Variants in PDE4D observed in about 807,000 individuals in gnomAD.
The protein encoded by PDE4D is 3',5'-cyclic-AMP phosphodiesterase 4D.
PDE4D carries 24 observed loss-of-function variants against 87.4 expected under a neutral mutation model. That is an observed-to-expected ratio of 0.27 (90% confidence interval 0.20 to 0.39). The LOEUF (loss-of-function observed/expected upper bound fraction) is 0.39. PDE4D is among the 10% of genes least tolerant of loss of function. The pLI is 1.00. For missense variants in PDE4D, 714 were observed against 1,041.0 expected (o/e 0.69, Z 4.32); for synonymous variants, 384 against 383.2 (o/e 1.00, Z -0.02).
At chr5:59,063,053 A>T (rs1763387309) in intron 5 of PDE4D, 1 of 152,188 alleles carries the variant, frequency 6.6e-6, no homozygotes, top group Non-Finnish European at 1.5e-5. Flanking sequence ...ATGTCATTTC[A>T]TATAAACAGA....
intron 1 of PDE4D, among the ~76,000 whole-genome samples, chr5:59,345,979 T>A (rs961098368): frequency 6.6e-6 from 1 of 152,142 alleles, no homozygotes; most frequent in Admixed American, 6.5e-5. Flanking sequence ...TAACTATCCA[T>A]CAACACTAGA....
intron 1 of PDE4D, among the ~76,000 whole-genome samples, chr5:59,340,274 C>T (rs943637836): frequency 1.3e-5 from 2 of 152,096 alleles, no homozygotes; most frequent in African/African-American, 2.4e-5. Flanking sequence ...TCTAGATCAA[C>T]GCTGTTCAGT....
At chr5:60,044,662 A>G (rs1381151806) in intron 2 of PDE4D, among the ~76,000 whole-genome samples, 4 of 151,972 alleles carry the variant, frequency 2.6e-5, no homozygotes, top group Non-Finnish European at 4.4e-5. Context: ...ATGATTTCCA[A>G]TTTCATCCAT....
chr5:59,046,752 CATAAG>C (rs1177519939), intron 5 of PDE4D, among the ~76,000 whole-genome samples: 1 of 152,142 alleles, frequency 6.6e-6, no homozygotes, highest in Non-Finnish European at 1.5e-5. Flanking sequence ...TCTGAGCTGA[CATAAG>C]AGAAGAGTCA....
chr5:60,245,360 G>A (rs1048597696), intron 1 of PDE4D, among the ~76,000 whole-genome samples: 10 of 151,834 alleles, frequency 6.6e-5, no homozygotes, highest in African/African-American at 2.4e-4. Flanking sequence ...CAACCACTGT[G>A]GAGAACAGTT....
At chr5:60,003,109 A>G (rs921379089) in intron 2 of PDE4D, among the ~76,000 whole-genome samples, 2 of 152,186 alleles carry the variant, frequency 1.3e-5, no homozygotes, top group Non-Finnish European at 2.9e-5. Context: ...ATATACTAAC[A>G]ATAAACTATC....
chr5:59,219,833 G>A (rs1469844176), intron 1 of PDE4D, among the ~76,000 whole-genome samples: 1 of 152,174 alleles, frequency 6.6e-6, no homozygotes, highest in African/African-American at 2.4e-5. Flanking sequence ...CACCTTTGAA[G>A]GAGAGTTAAA....
At chr5:60,195,781 T>C (rs1199614974) in intron 1 of PDE4D, among the ~76,000 whole-genome samples, 1 of 151,802 alleles carries the variant, frequency 6.6e-6, no homozygotes, top group Non-Finnish European at 1.5e-5. Flanking sequence ...CAGTAAATGA[T>C]TCATACACCT....
chr5:60,268,228 T>G (rs1750449153), intron 1 of PDE4D, among the ~76,000 whole-genome samples: 1 of 152,242 alleles, frequency 6.6e-6, no homozygotes, highest in Non-Finnish European at 1.5e-5. Flanking sequence ...TCATCATGCC[T>G]GTTTACAACA....
intron 1 of PDE4D, among the ~76,000 whole-genome samples, chr5:59,783,456 A>C (rs1764822519): frequency 6.6e-6 from 1 of 152,214 alleles, no homozygotes; most frequent in South Asian, 2.1e-4. Context: ...TCTGTCTTCC[A>C]CTACTGTGAG....
intron 1 of PDE4D, among the ~76,000 whole-genome samples, chr5:59,676,599 G>C (rs1341144632): frequency 6.6e-6 from 1 of 152,086 alleles, no homozygotes. Context: ...CTCAAACTAT[G>C]CTGTGTTTCA....
At chr5:59,256,005 G>T (rs1257815551) in intron 1 of PDE4D, among the ~76,000 whole-genome samples, 1 of 152,014 alleles carries the variant, frequency 6.6e-6, no homozygotes. Flanking sequence ...AACTCCAGCA[G>T]AACATTTTTG....
intron 1 of PDE4D, among the ~76,000 whole-genome samples, chr5:59,355,415 T>C (rs1048674347): frequency 7.9e-5 from 12 of 152,270 alleles, no homozygotes; most frequent in Non-Finnish European, 1.6e-4. Flanking sequence ...TTATCAGATC[T>C]AGTGATGAAG....
chr5:59,151,741 A>G (rs1779508867), intron 5 of PDE4D, among the ~76,000 whole-genome samples: 1 of 152,184 alleles, frequency 6.6e-6, no homozygotes, highest in South Asian at 2.1e-4. Flanking sequence ...GAGGAATCAC[A>G]GATGGGACAG....
intron 2 of PDE4D, among the ~76,000 whole-genome samples, chr5:60,079,905 C>A (rs1773741798): frequency 6.6e-6 from 1 of 152,156 alleles, no homozygotes; most frequent in Non-Finnish European, 1.5e-5. Flanking sequence ...TTTTCTAATT[C>A]TGTGAAGAAT....
chr5:59,592,019 C>T, intron 1 of PDE4D: 1 of 315,560 alleles, frequency 3.2e-6, no homozygotes, highest in Non-Finnish European at 4.6e-6. Context: ...TTGCATATAT[C>T]ATCAACTAAT....
chr5:59,144,347 C>T (rs1778319370), intron 5 of PDE4D, among the ~76,000 whole-genome samples: 1 of 152,094 alleles, frequency 6.6e-6, no homozygotes, highest in Non-Finnish European at 1.5e-5. Context: ...TCAGTGAGAT[C>T]CTTTCTAGCC....
chr5:59,753,933 C>T (rs1450140640), intron 1 of PDE4D, among the ~76,000 whole-genome samples: 1 of 152,172 alleles, frequency 6.6e-6, no homozygotes, highest in Non-Finnish European at 1.5e-5. Context: ...ATAGCTGGTC[C>T]AACTCTGACT....
intron 1 of PDE4D, among the ~76,000 whole-genome samples, chr5:60,316,254 A>G (rs1396226629): frequency 1.3e-5 from 2 of 152,092 alleles, no homozygotes; most frequent in Non-Finnish European, 2.9e-5. Flanking sequence ...GCAATTGTGA[A>G]TGGGAGTTCA....
Sources: gnomAD v4.1 joint callset for allele counts (sites outside exome capture counted in the v4.1 genomes callset) on GRCh38, gnomAD v4.1.1 for gene constraint, MANE v1.5 for transcripts, NCBI Gene and HGNC (gene_info 2026-07-23, HGNC 2026-07-21) for gene names.